The following DCHS2 variants were observed in gnomAD, a reference collection of about 807,000 sequenced individuals.
DCHS2 encodes dachsous cadherin-related 2, also known as protocadherin-23.
DCHS2 carries 142 observed loss-of-function variants against 182.4 expected under a neutral mutation model. That is an observed-to-expected ratio of 0.78 (90% CI 0.68 to 0.89). The LOEUF is 0.89. Ranked by LOEUF, DCHS2 falls within the 40% of genes least tolerant of loss-of-function variation. The pLI, the probability that DCHS2 is intolerant of heterozygous loss-of-function variation, is 0.00. For missense variants in DCHS2, 4,319 were observed against 4,198.6 expected (o/e 1.03, Z -0.79); for synonymous variants, 1,740 against 1,663.3 (o/e 1.05, Z -1.12).
At chr4:154,308,783 G>T (rs74966352) in intron 10 of DCHS2, among the ~76,000 whole-genome samples, 2,489 of 152,212 alleles carry the variant, frequency 0.016, 64 homozygotes, top group East Asian at 0.11. Flanking sequence ...AAATATAACT[G>T]CTAGTAAACA....
At position 154,444,957 on chromosome 4, in the gene DCHS2, C is replaced by G. The variant is rs114252939; in HGVS notation, c.2052+44347G>C. Reference sequence around the variant, plus strand: ...TTACTTGCTGTCTTTTCTACCTAGACGACTGGTCCCACACAGTTGGGCATG... The same window carrying G: ...TTACTTGCTGTCTTTTCTACCTAGAGGACTGGTCCCACACAGTTGGGCATG... On this transcript the variant is annotated intron_variant, in intron 1 of 19. Transcript: ENST00000357232. Among the ~76,000 whole-genome samples the G allele has an allele frequency of 4.5e-3, 685 of 152,304 alleles. 5 individuals are homozygous for G. The highest frequency in any genetic ancestry group is 6.5e-3 in the Non-Finnish European group (439 of 68,026).
rs1732878286 is a variant in DCHS2 at position 154,259,632 on chromosome 4, A to G, written c.6702T>C (p.Asp2234=). The G allele has an allele frequency of 6.2e-7, 1 of 1,613,996 alleles. No individual in the cohort carries two copies. Among genetic ancestry groups the G allele is most frequent in the African/African-American group, 1.3e-5 (1 of 74,988 alleles). The change falls in exon 15 of 20, where the codon GAT becomes GAC. Residue 2234 remains aspartate (D), a synonymous_variant. Coordinates refer to ENST00000357232, the MANE Select transcript of DCHS2 (RefSeq NM_001358235.2). ...AYCKVAVLIQ[D]ENDNSPCFEQ... is the part of the protein sequence containing the mutation. ...CAAAGCATGGTGAATTATCATTCTC[A>G]TCCTGTATCAAGACTGCTACTTTGC... is the stretch of plus-strand genomic sequence containing the variant.
At chr4:154,255,218 A>C (rs1732597150) in intron 16 of DCHS2, among the ~76,000 whole-genome samples, 1 of 152,212 alleles carries the variant, frequency 6.6e-6, no homozygotes, top group Non-Finnish European at 1.5e-5. Flanking sequence ...ACATCTCACA[A>C]ACATTATCTT....
intron 3 of DCHS2, among the ~76,000 whole-genome samples, chr4:154,364,017 T>C (rs1561068628): frequency 6.6e-6 from 1 of 152,124 alleles, no homozygotes; most frequent in Admixed American, 6.6e-5. Flanking sequence ...GCGACCAAAT[T>C]CCAAGCACTA....
chr4:154,236,497 T>C lies in DCHS2; in HGVS notation c.8155A>G (p.Thr2719Ala). The change falls in exon 20 of 20, where the codon ACT becomes GCT. Residue 2719 changes from threonine to alanine, a missense_variant. Thr to Ala is a moderately conservative substitution (Grantham distance 58). Transcript: ENST00000357232. ...GGTTTAATCAAATAAAGAACTCCAG[T>C]GTTTTCTTCTAAGTAAAAATGTCCC... ...EKGHFYLEEN[T>A]GVLYLIKPLD... 6.2e-7 allele frequency: 1 copy of C among 1,614,018 alleles called. No homozygotes were observed. Among genetic ancestry groups the C allele is most frequent in the Non-Finnish European group, 8.5e-7 (1 of 1,179,966 alleles).
chr4:154,259,463 T>C (rs1299836465), intron 15 of DCHS2, 82 bp downstream of exon 15: 2 of 1,548,872 alleles, frequency 1.3e-6, no homozygotes, highest in East Asian at 4.5e-5. Context: ...TACATTGACT[T>C]GTAATAATTC....
rs141698377 is a variant in DCHS2, at chr4:154,298,700, T to A, written c.5614A>T (p.Thr1872Ser). The change falls in exon 13 of 20, where the codon ACT (threonine) becomes TCT (serine). Residue 1872 changes from threonine to serine, a missense_variant. Transcript: ENST00000357232. Reference protein sequence around the residue: ...AVEYHIIDGNTDECFTINEMS... With the variant: ...AVEYHIIDGNSDECFTINEMS... ...TCATTTATAGTAAAGCACTCATCAG[T>A]ATTTCCATCTATTAAAGAAAACAAT... 525 of 1,554,796 alleles carry A rather than the reference T, an allele frequency of 3.4e-4. 5 individuals are homozygous for A. The East Asian group carries it at 0.011, about 34-fold the overall frequency.
At chr4:154,253,330 T>C (rs1732481345) in intron 16 of DCHS2, among the ~76,000 whole-genome samples, 1 of 152,122 alleles carries the variant, frequency 6.6e-6, no homozygotes, top group African/African-American at 2.4e-5. Flanking sequence ...TTTTTAATAT[T>C]GGGACCAATT....
chr4:154,382,648 A>G (rs1731222236), intron 1 of DCHS2, among the ~76,000 whole-genome samples: 1 of 152,164 alleles, frequency 6.6e-6, no homozygotes, highest in Admixed American at 6.6e-5. Flanking sequence ...TAATTCAACC[A>G]GCGAAAAACA....
chr4:154,327,415 T>C lies in DCHS2; in HGVS notation c.4018+678A>G, dbSNP rs188296587. 2.8e-3 allele frequency among the ~76,000 whole-genome samples: 431 copies of C among 152,298 alleles called. 3 individuals carry two copies. Among genetic ancestry groups the C allele is most frequent in the African/African-American group, 9.9e-3 (413 of 41,582 alleles). On this transcript the variant is annotated intron_variant, in intron 7 of 19. Coordinates refer to ENST00000357232, the MANE Select transcript of DCHS2 (RefSeq NM_001358235.2). ...ATTTTATTAATTCCAATGGGTTGCC[T>C]ATAGCATCTCTTGGGTTTTCCATGC...
rs1579137201 is a variant in DCHS2 at position 154,491,622 on chromosome 4, C to G, written c.-267G>C. ...TGCCCCTGGATTTCTTTAAACGAAT[C>G]TCATCTCTTTTTCTCTCTCCTTTTA... On this transcript the variant is annotated 5_prime_UTR_variant, in exon 1 of 20. Transcript: ENST00000357232. 1 of 1,319,988 alleles carries G rather than the reference C, an allele frequency of 7.6e-7. No homozygotes were observed. The highest frequency in any genetic ancestry group is 9.6e-7 in the Non-Finnish European group (1 of 1,041,094). 81.8% of individuals were successfully genotyped at this position (1,319,988 alleles called of 1,614,324 possible).
chr4:154,312,781 T>C (rs1051871810), intron 10 of DCHS2, among the ~76,000 whole-genome samples: 2 of 152,184 alleles, frequency 1.3e-5, no homozygotes, highest in Non-Finnish European at 2.9e-5. Context: ...TCCTTATCCT[T>C]TATTCTTTGA....
chr4:154,313,005 T>A (rs1199669473), intron 10 of DCHS2, among the ~76,000 whole-genome samples: 1 of 152,290 alleles, frequency 6.6e-6, no homozygotes, highest in East Asian at 1.9e-4. Flanking sequence ...GCACCAGGGA[T>A]TCCAGAAAAC....
At chr4:154,370,600 A>G (rs561758530) in intron 2 of DCHS2, among the ~76,000 whole-genome samples, 327 of 152,292 alleles carry the variant, frequency 2.1e-3, no homozygotes, top group African/African-American at 7.6e-3. Flanking sequence ...AATGGATGGG[A>G]CCCTAAACAG....
chr4:154,369,097 T>C (rs1310925931), intron 2 of DCHS2, among the ~76,000 whole-genome samples: 3 of 152,234 alleles, frequency 2.0e-5, no homozygotes, highest in African/African-American at 7.2e-5. Flanking sequence ...AGAATTCTAA[T>C]GTTGTCTTCT....
chr4:154,373,532 T>C (rs114353434), intron 2 of DCHS2, among the ~76,000 whole-genome samples: 1 of 152,190 alleles, frequency 6.6e-6, no homozygotes, highest in Non-Finnish European at 1.5e-5. Context: ...ACATAAGGAA[T>C]GCTGGAGGCA....
chr4:154,321,235 T>C lies in DCHS2; in HGVS notation c.4177-13A>G, dbSNP rs1189024791. 1 of 1,467,344 alleles carries C rather than the reference T, an allele frequency of 6.8e-7. No homozygotes were observed. The highest frequency in any genetic ancestry group is 9.0e-7 in the Non-Finnish European group (1 of 1,108,728). 90.9% of individuals were successfully genotyped at this position (1,467,344 alleles called of 1,614,324 possible). A position where few individuals can be genotyped will look rare whatever the true frequency, so the allele number is the denominator to read the frequency against. ...ATAGTGGGATCACCTGAAATACGAA[T>C]AAAAGAGATATTAATTTGGGGTATT... is the stretch of plus-strand genomic sequence containing the variant. On this transcript the variant is annotated splice_polypyrimidine_tract_variant and intron_variant, in intron 8 of 19. Transcript: ENST00000357232.
In DCHS2 at chr4:154,490,943, T is replaced by C. The variant is rs1395545121; in HGVS notation, c.413A>G (p.His138Arg). 2 of 1,550,318 alleles carry C rather than the reference T, an allele frequency of 1.3e-6. No homozygotes were observed. Among genetic ancestry groups the C allele is most frequent in the East Asian group, 2.4e-5 (1 of 40,864 alleles). ...CAGCGTGGCGGCGACGAAGCTGTAG[T>C]GGTCCCGCCGCTCGCGGTCCAGGCG... is the stretch of plus-strand genomic sequence containing the variant. ...ARRLDRERRDHYSFVAATLLG... is the reference protein window; with the variant it reads ...ARRLDRERRDRYSFVAATLLG... The change falls in exon 1 of 20, where the codon CAC becomes CGC. Residue 138 changes from histidine (H) to arginine (R), a missense_variant. Transcript: ENST00000357232.
In DCHS2 at chr4:154,442,537, C is replaced by A. The variant is rs77747305; in HGVS notation, c.2052+46767G>T. Among the ~76,000 whole-genome samples the A allele has an allele frequency of 6.3e-3, 488 of 77,404 alleles. 36 individuals carry two copies. The highest frequency in any genetic ancestry group is 6.0e-3 in the Middle Eastern group (1 of 166). The allele number at this position is 77,404 out of a possible 152,430, so 50.8% of individuals were successfully genotyped here. A position where few individuals can be genotyped will look rare whatever the true frequency, so the allele number is the denominator to read the frequency against. ...GTCACTGAAAAGTGGACACCCCCCC[C>A]CCCCCACACACACACACACACACAC... On this transcript the variant is annotated intron_variant, in intron 1 of 19. Transcript: ENST00000357232.
Sources: allele counts gnomAD v4.1 joint callset (sites outside exome capture counted in the v4.1 genomes callset), GRCh38; gene constraint gnomAD v4.1.1; transcripts MANE v1.5; gene names NCBI Gene and HGNC (gene_info 2026-07-23, HGNC 2026-07-21).